RXRA: variants seen among roughly 807,000 people sequenced by gnomAD.
RXRA encodes the protein retinoid X receptor alpha, also known as retinoic acid receptor RXR-alpha.
RXRA carries 5 observed loss-of-function variants against 44.5 expected under a neutral mutation model. That is an observed-to-expected ratio of 0.11 (90% confidence interval 0.06 to 0.24). The LOEUF is 0.24. Among genes scored for constraint, RXRA ranks in the 10% least tolerant of loss-of-function variants. The probability of loss-of-function intolerance (pLI) is 1.00; values close to 1 mark genes in which losing one functional copy is unlikely to be tolerated. For missense variants in RXRA, 412 were observed against 646.5 expected (o/e 0.64, Z 3.93); for synonymous variants, 291 against 271.4 (o/e 1.07, Z -0.71).
intron 1 of RXRA, among the ~76,000 whole-genome samples, chr9:134,376,592 C>T (rs1389086332): frequency 1.3e-5 from 2 of 152,284 alleles, no homozygotes; most frequent in African/African-American, 4.8e-5. Flanking sequence ...AGCCTTGCCG[C>T]GTTCTCTGTC....
chr9:134,370,036 G>A (rs1830471557), intron 1 of RXRA, among the ~76,000 whole-genome samples: 1 of 152,194 alleles, frequency 6.6e-6, no homozygotes, highest in Admixed American at 6.5e-5. Context: ...TTGCTGGACT[G>A]GAAGTCACAG....
chr9:134,374,829 G>A (rs1830533285), intron 1 of RXRA, among the ~76,000 whole-genome samples: 2 of 152,344 alleles, frequency 1.3e-5, no homozygotes, highest in East Asian at 3.9e-4. Context: ...GGGTCTCCTT[G>A]GAACTCGGCG....
intron 1 of RXRA, among the ~76,000 whole-genome samples, chr9:134,358,101 G>A (rs1277734101): frequency 1.3e-5 from 2 of 152,272 alleles, no homozygotes; most frequent in African/African-American, 4.8e-5. Flanking sequence ...GCCGTGGGCC[G>A]CTTCCAAGAG....
intron 4 of RXRA, among the ~76,000 whole-genome samples, chr9:134,413,133 G>A (rs1199036460): frequency 1.3e-5 from 2 of 152,148 alleles, no homozygotes; most frequent in African/African-American, 2.4e-5. Context: ...ACCTTGCCTC[G>A]CCCAGTCCTC....
chr9:134,422,723 T>C (rs1034863552), intron 6 of RXRA: 1 of 985,240 alleles, frequency 1.0e-6, no homozygotes, highest in Non-Finnish European at 1.2e-6. Flanking sequence ...TATGGGACTG[T>C]TGGGGGAAGG....
chr9:134,348,492 C>T (rs1830181581), intron 1 of RXRA, among the ~76,000 whole-genome samples: 2 of 147,712 alleles, frequency 1.4e-5, no homozygotes, highest in African/African-American at 5.1e-5. Context: ...GCCCATGTGG[C>T]TGCTTGTCCC....
Position 134,365,211 on chromosome 9 carries a change from G to A in RXRA, c.29-36421G>A, listed in dbSNP as rs1830398887. On this transcript the variant is annotated intron_variant, in intron 1 of 9. Transcript: ENST00000481739. This position sits in a 1 kb window ranked among gnomAD's most constrained non-coding sequence, Gnocchi z 4.0. ...AGCCCCTCGTGGGCCATCTCCCGGA[G>A]TTCTCTTGAGGGCCCCTGTCTTACG... Among the ~76,000 whole-genome samples, 2 of 152,236 alleles carry A rather than the reference G, an allele frequency of 1.3e-5. No homozygotes were observed. The highest frequency in any genetic ancestry group is 2.4e-5 in the African/African-American group (1 of 41,464).
intron 1 of RXRA, among the ~76,000 whole-genome samples, chr9:134,372,743 G>C (rs1014807186): frequency 6.6e-6 from 1 of 152,238 alleles, no homozygotes; most frequent in Non-Finnish European, 1.5e-5. Context: ...CCACCTCAGA[G>C]GGTGGCAGCA....
chr9:134,411,565 C>T lies in RXRA; in HGVS notation c.610+2446C>T, dbSNP rs1588295999. On this transcript the variant is annotated intron_variant, in intron 4 of 9. Coordinates refer to ENST00000481739, the MANE Select transcript of RXRA (RefSeq NM_002957.6). ...ATTTCTTGCCGGTCCTTCCTGCTTC[C>T]AGTCCTTCCTCTTGGCAGCGCATAA... Among the ~76,000 whole-genome samples the T allele has an allele frequency of 2.0e-5, 3 of 152,372 alleles. 1 individual carries two copies. The highest frequency in any genetic ancestry group is 7.2e-5 in the African/African-American group (3 of 41,600).
At chr9:134,332,229 C>A (rs1315026585) in intron 1 of RXRA, among the ~76,000 whole-genome samples, 1 of 152,222 alleles carries the variant, frequency 6.6e-6, no homozygotes, top group East Asian at 1.9e-4. Context: ...CCTCATGCCA[C>A]CAGGGCAGCA....
At chr9:134,382,703 G>C (rs747433886) in intron 1 of RXRA, among the ~76,000 whole-genome samples, 4 of 152,068 alleles carry the variant, frequency 2.6e-5, no homozygotes, top group Non-Finnish European at 4.4e-5. Context: ...CAGTATGAGG[G>C]TGGGCAGCTA....
At chr9:134,352,686 G>C (rs1830236175) in intron 1 of RXRA, among the ~76,000 whole-genome samples, 1 of 152,236 alleles carries the variant, frequency 6.6e-6, no homozygotes, top group African/African-American at 2.4e-5. Context: ...AGGAAACGAG[G>C]TCAGGGCTTG....
intron 5 of RXRA, among the ~76,000 whole-genome samples, chr9:134,419,767 G>A (rs1831298453): frequency 6.6e-6 from 1 of 152,230 alleles, no homozygotes; most frequent in Non-Finnish European, 1.5e-5. Flanking sequence ...GGGAGGTGGA[G>A]CCAGGATCCT....
At chr9:134,338,742 G>A (rs977914660) in intron 1 of RXRA, among the ~76,000 whole-genome samples, 1 of 152,220 alleles carries the variant, frequency 6.6e-6, no homozygotes, top group South Asian at 2.1e-4. Flanking sequence ...CGGCACCCCA[G>A]CCTTGCCCTG....
At chr9:134,430,482 G>C (rs1224270862) in intron 7 of RXRA, among the ~76,000 whole-genome samples, 1 of 152,242 alleles carries the variant, frequency 6.6e-6, no homozygotes, top group African/African-American at 2.4e-5. Context: ...AGGTCCCAGA[G>C]TCCCAAGGGT....
intron 1 of RXRA, among the ~76,000 whole-genome samples, chr9:134,341,305 A>G (rs1313339722): frequency 6.6e-6 from 1 of 152,016 alleles, no homozygotes; most frequent in African/African-American, 2.4e-5. Context: ...ATTTGAACCC[A>G]GATTCTTGGG....
intron 1 of RXRA, among the ~76,000 whole-genome samples, chr9:134,330,869 G>A (rs1834994136): frequency 6.6e-6 from 1 of 152,232 alleles, no homozygotes. Flanking sequence ...GGAGAAGGCA[G>A]CCTGGTGTGT....
chr9:134,331,787 G>A (rs1157081838), intron 1 of RXRA, among the ~76,000 whole-genome samples: 3 of 150,784 alleles, frequency 2.0e-5, no homozygotes, highest in Non-Finnish European at 4.4e-5. Flanking sequence ...CTTTTTCTCC[G>A]GCACTTGACT....
intron 1 of RXRA, among the ~76,000 whole-genome samples, chr9:134,351,885 G>A (rs151211137): frequency 3.5e-4 from 54 of 152,352 alleles, no homozygotes; most frequent in Middle Eastern, 3.4e-3. Context: ...GGCGTGGGGT[G>A]TGCCAGTGTG....
Sources: gnomAD v4.1 joint callset for allele counts (sites outside exome capture counted in the v4.1 genomes callset) on GRCh38, gnomAD v4.1.1 for gene constraint, Gnocchi (gnomAD v3.1) non-coding constraint, MANE v1.5 for transcripts, NCBI Gene and HGNC (gene_info 2026-07-23, HGNC 2026-07-21) for gene names.